The following STAG3 variants were observed in gnomAD, a reference collection of about 807,000 sequenced individuals.
The protein encoded by STAG3 is cohesin subunit SA-3.
A neutral mutation model predicts 160.7 loss-of-function variants in STAG3; 101 were observed. That is an observed-to-expected ratio of 0.63 (90% CI 0.54 to 0.74). The LOEUF is 0.74. Among genes scored for constraint, STAG3 ranks in the 30% least tolerant of loss-of-function variants. The pLI is 0.00. For missense variants in STAG3, 1,188 were observed against 1,517.4 expected, an observed-to-expected ratio of 0.78 and a Z score of 3.61; for synonymous variants, 519 against 585.0, an observed-to-expected ratio of 0.89 and a Z score of 1.63.
chr7:100,189,586 A>C lies in STAG3; in HGVS notation c.857A>C (p.Lys286Thr), dbSNP rs1485941121. 1 of 1,613,392 alleles carries C rather than the reference A, an allele frequency of 6.2e-7. No individual in the cohort carries two copies. The highest frequency in any genetic ancestry group is 1.1e-5 in the South Asian group (1 of 90,982). Residue 286 changes from lysine (K) to threonine (T), a missense_variant, in exon 8 of 34, where the codon AAA becomes ACA. Around this residue, in one of 4 missense-constraint regions of STAG3, gnomAD observed 296 missense variants for 404.0 expected, o/e 0.73. Transcript: ENST00000615138. ...APERLESLLEKRKELQEHQEE... is the reference protein window; with the variant it reads ...APERLESLLETRKELQEHQEE... ...GAGCGGCTGGAGAGCCTGTTGGAGA[A>C]ACGCAAAGAGGTGAGGAGTGTTCCC...
intron 32 of STAG3, 94 bp downstream of exon 32, chr7:100,211,970 C>G: frequency 8.5e-7 from 1 of 1,173,766 alleles, no homozygotes; most frequent in Non-Finnish European, 1.2e-6. Flanking sequence ...CTCGGTGATG[C>G]CTGGTCTGGA....
chr7:100,199,899 C>CAA (rs11383220), intron 16 of STAG3, among the ~76,000 whole-genome samples: 37,220 of 121,966 alleles, frequency 0.31, 5,770 homozygotes, highest in East Asian at 0.62. Context: ...ACTAAAAATA[C>CAA]AAAAAAAAAA....
Position 100,205,056 on chromosome 7 carries a change from T to A in STAG3, c.3003T>A (p.Asn1001Lys), listed in dbSNP as rs756975933. 1 of 1,614,138 alleles carries A rather than the reference T, an allele frequency of 6.2e-7. No homozygotes were observed. The highest frequency in any genetic ancestry group is 1.1e-5 in the South Asian group (1 of 91,086). Reference sequence around the variant, plus strand: ...AGCTTCCTCCAGCTGGCTCCTCCAATCAGCCTCCAAATCTGGCATTCCTGG... The same window carrying A: ...AGCTTCCTCCAGCTGGCTCCTCCAAACAGCCTCCAAATCTGGCATTCCTGG... Reference protein sequence around the residue: ...LSELPPAGSSNQPPNLAFLEL... With the variant: ...LSELPPAGSSKQPPNLAFLEL... Residue 1001 changes from asparagine (N) to lysine (K), a missense_variant, in exon 28 of 34, where the codon AAT becomes AAA. Asn to Lys is a moderately conservative substitution (Grantham distance 94). This residue lies in a region of STAG3 where 647 missense variants were observed against 717.2 expected (regional missense o/e 0.90). Transcript: ENST00000615138.
At position 100,205,000 on chromosome 7, in the gene STAG3, C is replaced by T. The variant is rs1375529263; in HGVS notation, c.2952-5C>T. 2 of 1,612,806 alleles carry T rather than the reference C, an allele frequency of 1.2e-6. No homozygotes were observed. Among genetic ancestry groups the T allele is most frequent in the African/African-American group, 1.3e-5 (1 of 74,862 alleles). ...TTCTTCCTAAAATAATTCTGCCCAA[C>T]CAAGGGAAGGCATCCAGTTCTCCTT... On this transcript the variant is annotated splice_polypyrimidine_tract_variant and splice_region_variant and intron_variant, in intron 27 of 33. Transcript: ENST00000615138.
intron 21 of STAG3, 121 bp downstream of exon 21, chr7:100,201,472 C>T (rs1317161477): frequency 1.2e-6 from 1 of 851,478 alleles, no homozygotes; most frequent in Admixed American, 2.2e-5. Context: ...CGAGGAAGAT[C>T]AGGTGGGTGG....
intron 5 of STAG3, among the ~76,000 whole-genome samples, chr7:100,187,597 C>T (rs913933495): frequency 7.2e-5 from 11 of 152,234 alleles, no homozygotes; most frequent in Non-Finnish European, 1.0e-4. Context: ...TTGGCTGGCA[C>T]AGCCTGAGCC....
Position 100,213,668 on chromosome 7 carries a change from T to C in STAG3, c.3601-67T>C, listed in dbSNP as rs988007799. The C allele has an allele frequency of 1.9e-6, 3 of 1,610,732 alleles. No individual in the cohort carries two copies. The African/African-American group carries it at 4.0e-5, about 22-fold the overall frequency. On this transcript the variant is annotated intron_variant, in intron 32 of 33. Transcript: ENST00000615138. ...CTTATGAGGCTGGGAAAGGAACTGG[T>C]TTTTTTATTTGCGAAGTGACAGGAG... is the stretch of plus-strand genomic sequence containing the variant.
At chr7:100,203,200 T>C (rs375937082) in intron 25 of STAG3, among the ~76,000 whole-genome samples, 1 of 137,328 alleles carries the variant, frequency 7.3e-6, no homozygotes, top group Admixed American at 7.6e-5. Context: ...TTTTTTTTTT[T>C]CCTGAGACAG....
chr7:100,204,524 T>C, intron 26 of STAG3, 103 bp from the exon 27 acceptor site: 3 of 1,418,304 alleles, frequency 2.1e-6, no homozygotes, highest in Non-Finnish European at 2.9e-6. Context: ...GTAGATGGTG[T>C]CCCAAGGCCT....
intron 8 of STAG3, among the ~76,000 whole-genome samples, chr7:100,195,030 G>A (rs558946928): frequency 2.0e-5 from 3 of 152,254 alleles, no homozygotes; most frequent in Admixed American, 6.5e-5. Context: ...GCAATAAAGC[G>A]AGATACACCT....
intron 29 of STAG3, among the ~76,000 whole-genome samples, chr7:100,210,770 G>C (rs1802114604): frequency 6.6e-6 from 1 of 152,176 alleles, no homozygotes; most frequent in East Asian, 1.9e-4. Flanking sequence ...TCTAGGCTGT[G>C]TAGCAAGTTC....
chr7:100,178,588 T>TC (rs1328740505), intron 1 of STAG3, among the ~76,000 whole-genome samples: 1 of 151,000 alleles, frequency 6.6e-6, no homozygotes, highest in African/African-American at 2.4e-5. Context: ...TTTTTTTTTT[T>TC]CCATTTAATT....
intron 29 of STAG3, among the ~76,000 whole-genome samples, chr7:100,210,152 G>A (rs1261750721): frequency 6.6e-6 from 1 of 152,208 alleles, no homozygotes; most frequent in Non-Finnish European, 1.5e-5. Flanking sequence ...GAGATCAGGA[G>A]GACACATCTG....
At chr7:100,213,350 T>C (rs1320606678) in intron 32 of STAG3, 1 of 985,132 alleles carries the variant, frequency 1.0e-6, no homozygotes, top group African/African-American at 1.7e-5. Context: ...TTCTGTTCTC[T>C]TCTCTGCAGG....
chr7:100,177,947 G>C lies in STAG3; in HGVS notation c.-123G>C, dbSNP rs1186624292. ...TTCTGGAATCTTTCGCCCCCGGAAG[G>C]GCAGCGGCGGGCGCCTGTGTGGAAG... On this transcript the variant is annotated 5_prime_UTR_variant, in exon 1 of 34. Transcript: ENST00000615138. The C allele has an allele frequency of 6.6e-6, 1 of 152,502 alleles. No homozygotes were observed. The highest frequency in any genetic ancestry group is 1.5e-5 in the Non-Finnish European group (1 of 68,246). The allele number at this position is 152,502 out of a possible 1,614,324, so 9.4% of individuals were successfully genotyped here.
At chr7:100,214,705 G>GC (rs1475324608), downstream of STAG3, among the ~76,000 whole-genome samples, 4 of 152,182 alleles carry the variant, frequency 2.6e-5, no homozygotes, top group Admixed American at 2.6e-4. Flanking sequence ...TGTCCTGGCA[G>GC]CCTTCACCCA....
intron 31 of STAG3, 78 bp from the exon 32 acceptor site, chr7:100,211,717 C>A: frequency 6.6e-7 from 1 of 1,517,948 alleles, no homozygotes; most frequent in Non-Finnish European, 9.1e-7. Flanking sequence ...CCCACTTCCC[C>A]CACCCCGGGT....
chr7:100,200,852 C>T lies in STAG3; in HGVS notation c.1944C>T (p.Ala648=). ...EPAVLEAGAH[A]LYLLCNPEFT... ...CGGTGCTTGAGGCTGGGGCGCATGC[C>T]CTCTACCTGCTCTGTAATCCCGAAT... Residue 648 remains alanine, a synonymous_variant, in exon 19 of 34, where the codon GCC becomes GCT. Coordinates refer to ENST00000615138, the MANE Select transcript of STAG3 (RefSeq NM_001282717.2). The T allele has an allele frequency of 6.2e-7, 1 of 1,614,188 alleles. No individual in the cohort carries two copies.
intron 9 of STAG3, 98 bp downstream of exon 9, chr7:100,195,480 G>C: frequency 8.6e-7 from 1 of 1,156,698 alleles, no homozygotes; most frequent in Non-Finnish European, 1.2e-6. Flanking sequence ...TTAGTTATTT[G>C]GTTAGTCCCA....
Sources: allele counts gnomAD v4.1 joint callset (sites outside exome capture counted in the v4.1 genomes callset), GRCh38; gene constraint gnomAD v4.1.1; regional missense constraint gnomAD v4.1.1; transcripts MANE v1.5; gene names NCBI Gene and HGNC (gene_info 2026-07-23, HGNC 2026-07-21).